CYB561D1: variants seen among roughly 807,000 people sequenced by gnomAD.
CYB561D1 encodes the protein cytochrome b561 family member D1.
In CYB561D1, 15 loss-of-function variants were observed where a neutral mutation model predicts 19.2. The ratio of observed to expected loss-of-function variants is 0.78; its 90% CI spans 0.52 to 1.20. The LOEUF (loss-of-function observed/expected upper bound fraction) is 1.20. Among genes scored for constraint, CYB561D1 ranks in the 50% most tolerant of loss-of-function variants. CYB561D1 has a pLI of 0.00. For synonymous variants in CYB561D1, 133 were observed against 120.6 expected, an observed-to-expected ratio of 1.10 and a Z score of -0.68; for missense variants, 297 against 287.3, an observed-to-expected ratio of 1.03 and a Z score of -0.24.
At chr1:109,494,463 G>C in intron 1 of CYB561D1, 176 bp downstream of exon 1, 6 of 1,548,428 alleles carry the variant, frequency 3.9e-6, no homozygotes, top group Non-Finnish European at 5.2e-6. Flanking sequence ...GAATAATGGG[G>C]TTTTGGGTGC....
intron 2 of CYB561D1, 23 bp downstream of exon 2, chr1:109,495,203 T>C: frequency 6.2e-7 from 1 of 1,613,860 alleles, no homozygotes; most frequent in Non-Finnish European, 8.5e-7. Context: ...TTCTATCTGA[T>C]TTGTTTGGGT....
rs1185240828 is a variant in CYB561D1, at chr1:109,498,568, C to G, written c.*2309C>G. 6.6e-6 allele frequency: 1 copy of G among 152,224 alleles called. No individual in the cohort carries two copies. Among genetic ancestry groups the G allele is most frequent in the Non-Finnish European group, 1.5e-5 (1 of 68,076 alleles). 9.4% of individuals were successfully genotyped at this position (152,224 alleles called of 1,614,324 possible). A position where few individuals can be genotyped will look rare whatever the true frequency, so the allele number is the denominator to read the frequency against. On this transcript the variant is annotated 3_prime_UTR_variant, in exon 3 of 3. Coordinates refer to ENST00000420578, the MANE Select transcript of CYB561D1 (RefSeq NM_182580.3). ...ATTTCTCCCTCCATCACCACCTGCC[C>G]TCACATCCTGGGGCAGCAGCTGGAC...
In CYB561D1 at chr1:109,495,820, G is replaced by A. The variant is rs1301863253; in HGVS notation, c.251G>A (p.Cys84Tyr). Residue 84 changes from cysteine to tyrosine, a missense_variant, in exon 3 of 3, where the codon TGC becomes TAC. Transcript: ENST00000420578. ...FSPEHSLFFFCSRKARIRLHW... is the reference protein window; with the variant it reads ...FSPEHSLFFFYSRKARIRLHW... ...CCTGAACACTCCCTGTTCTTCTTCT[G>A]CTCCCGAAAAGCACGGATCCGGCTC... 6.2e-6 allele frequency: 10 copies of A among 1,613,826 alleles called. No individual in the cohort carries two copies. The highest frequency in any genetic ancestry group is 8.5e-6 in the Non-Finnish European group (10 of 1,180,044).
Position 109,500,281 on chromosome 1 carries a change from T to C in CYB561D1, c.*4022T>C, listed in dbSNP as rs1657824020. On this transcript the variant is annotated 3_prime_UTR_variant, in exon 3 of 3. Transcript: ENST00000420578. The stretch of plus-strand genomic sequence containing the variant: ...AGCTTGGGGGCTGGGAAACCTGCAG[T>C]ATGGGTTTACTCCGTCCCTATCACT... The C allele has an allele frequency of 1.3e-5, 2 of 152,228 alleles. No homozygotes were observed. Among genetic ancestry groups the C allele is most frequent in the Admixed American group, 1.3e-4 (2 of 15,278 alleles). 9.4% of individuals were successfully genotyped at this position (152,228 alleles called of 1,614,324 possible).
rs767320100 is a variant in CYB561D1 at position 109,494,233 on chromosome 1, C to T, written c.94C>T (p.Leu32=). The change falls in exon 1 of 3, where the codon CTG becomes TTG. Residue 32 remains leucine, a synonymous_variant. Coordinates refer to ENST00000420578, the MANE Select transcript of CYB561D1 (RefSeq NM_182580.3). ...GAGAGGCAGTGGGATCTTGGCGCAC[C>T]TGGTAGCTTTGGGCTTCACCATCTT... is the stretch of plus-strand genomic sequence containing the variant. ...LRRGSGILAH[L]VALGFTIFLT... 1 of 1,577,126 alleles carries T rather than the reference C, an allele frequency of 6.3e-7. No homozygotes were observed. Among genetic ancestry groups the T allele is most frequent in the Non-Finnish European group, 8.6e-7 (1 of 1,161,244 alleles).
At chr1:109,494,549 G>A (rs1657388045) in intron 1 of CYB561D1, 1 of 1,474,658 alleles carries the variant, frequency 6.8e-7, no homozygotes, top group Admixed American at 2.1e-5. Flanking sequence ...GGATAGAAGT[G>A]AAGGAGGCCG....
chr1:109,494,186 C>T lies in CYB561D1; in HGVS notation c.47C>T (p.Pro16Leu). The change falls in exon 1 of 3, where the codon CCG (proline) becomes CTG (leucine). Residue 16 changes from proline (P) to leucine (L), a missense_variant. Transcript: ENST00000420578. Reference protein sequence around the residue: ...VGLVPAPAGEPRLTRWLRRGS... With the variant: ...VGLVPAPAGELRLTRWLRRGS... Reference sequence around the variant, plus strand: ...CTGGTTCCCGCTCCAGCTGGGGAGCCGAGACTGACCCGCTGGCTGCGGAGA... The same window carrying T: ...CTGGTTCCCGCTCCAGCTGGGGAGCTGAGACTGACCCGCTGGCTGCGGAGA... The T allele has an allele frequency of 1.9e-6, 3 of 1,554,620 alleles. No individual in the cohort carries two copies. Among genetic ancestry groups the T allele is most frequent in the Non-Finnish European group, 2.6e-6 (3 of 1,148,706 alleles).
rs892208635 is a variant in CYB561D1 at position 109,498,704 on chromosome 1, C to G, written c.*2445C>G. The G allele has an allele frequency of 1.3e-5, 2 of 152,202 alleles. No homozygotes were observed. The highest frequency in any genetic ancestry group is 2.9e-5 in the Non-Finnish European group (2 of 68,104). 9.4% of individuals were successfully genotyped at this position (152,202 alleles called of 1,614,324 possible). On this transcript the variant is annotated 3_prime_UTR_variant, in exon 3 of 3. Transcript: ENST00000420578. ...CCCTCCTCCGCCATCCTCTGTTCCC[C>G]GCACCTCCCTTATTCTGCTCATGTC...
intron 1 of CYB561D1, among the ~76,000 whole-genome samples, chr1:109,494,883 A>G (rs1373018153): frequency 6.6e-6 from 1 of 151,206 alleles, no homozygotes; most frequent in Non-Finnish European, 1.5e-5. Flanking sequence ...AAAACAAAAA[A>G]GGGGCAGAGG....
At chr1:109,494,475 G>A (rs1444667956) in intron 1 of CYB561D1, 188 bp downstream of exon 1, 2 of 1,547,592 alleles carry the variant, frequency 1.3e-6, no homozygotes, top group Non-Finnish European at 1.7e-6. Flanking sequence ...TTTGGGTGCT[G>A]TGGGGGAAGG....
Position 109,495,833 on chromosome 1 carries a change from A to C in CYB561D1, c.264A>C (p.Ala88=). Reference sequence around the variant, plus strand: ...TGTTCTTCTTCTGCTCCCGAAAAGCACGGATCCGGCTCCACTGGGCAGGGC... The same window carrying C: ...TGTTCTTCTTCTGCTCCCGAAAAGCCCGGATCCGGCTCCACTGGGCAGGGC... The part of the protein sequence containing the change: ...HSLFFFCSRK[A]RIRLHWAGQT... The change falls in exon 3 of 3, where the codon GCA becomes GCC. Residue 88 remains alanine (A), a synonymous_variant. Coordinates refer to ENST00000420578, the MANE Select transcript of CYB561D1 (RefSeq NM_182580.3). 1 of 1,613,928 alleles carries C rather than the reference A, an allele frequency of 6.2e-7. No homozygotes were observed.
In CYB561D1 at chr1:109,496,405, G is replaced by A; in HGVS notation, c.*146G>A. On this transcript the variant is annotated 3_prime_UTR_variant, in exon 3 of 3. Coordinates refer to ENST00000420578, the MANE Select transcript of CYB561D1 (RefSeq NM_182580.3). ...GACTGCAGAAACCAAAGCTGCTATT[G>A]TTGAGGAATAATTCAGTGGGTCAAA... 1 of 879,580 alleles carries A rather than the reference G, an allele frequency of 1.1e-6. No individual in the cohort carries two copies. The highest frequency in any genetic ancestry group is 1.7e-6 in the Non-Finnish European group (1 of 599,992). The allele number at this position is 879,580 out of a possible 1,614,324, so 54.5% of individuals were successfully genotyped here. A position where few individuals can be genotyped will look rare whatever the true frequency, so the allele number is the denominator to read the frequency against.
At position 109,496,428 on chromosome 1, in the gene CYB561D1, A is replaced by C; in HGVS notation, c.*169A>C. ...TTGTTGAGGAATAATTCAGTGGGTC[A>C]AAATGGGGAGATGTACTGGGTATGA... is the stretch of plus-strand genomic sequence containing the variant. On this transcript the variant is annotated 3_prime_UTR_variant, in exon 3 of 3. Transcript: ENST00000420578. The C allele has an allele frequency of 1.4e-6, 1 of 690,556 alleles. No individual in the cohort carries two copies. The highest frequency in any genetic ancestry group is 2.3e-6 in the Non-Finnish European group (1 of 440,090). The allele number at this position is 690,556 out of a possible 1,614,324, so 42.8% of individuals were successfully genotyped here.
In CYB561D1 at chr1:109,494,207, G is replaced by A; in HGVS notation, c.68G>A (p.Arg23Gln). 1.9e-6 allele frequency: 3 copies of A among 1,563,312 alleles called. No individual in the cohort carries two copies. Among genetic ancestry groups the A allele is most frequent in the South Asian group, 1.2e-5 (1 of 84,840 alleles). The change falls in exon 1 of 3, where the codon CGG becomes CAG. Residue 23 changes from arginine (R) to glutamine (Q), a missense_variant. Coordinates refer to ENST00000420578, the MANE Select transcript of CYB561D1 (RefSeq NM_182580.3). Reference sequence around the variant, plus strand: ...GAGCCGAGACTGACCCGCTGGCTGCGGAGAGGCAGTGGGATCTTGGCGCAC... The same window carrying A: ...GAGCCGAGACTGACCCGCTGGCTGCAGAGAGGCAGTGGGATCTTGGCGCAC... ...AGEPRLTRWL[R>Q]RGSGILAHLV...
chr1:109,500,395 T>C lies in CYB561D1; in HGVS notation c.*4136T>C, dbSNP rs1195344861. On this transcript the variant is annotated 3_prime_UTR_variant, in exon 3 of 3. Coordinates refer to ENST00000420578, the MANE Select transcript of CYB561D1 (RefSeq NM_182580.3). The stretch of plus-strand genomic sequence containing the variant: ...ATGAGAGAATGAATGTTAATAGGAA[T>C]TGGAAAATTCAAAGCATTAAACACA... 1.3e-5 allele frequency: 2 copies of C among 152,210 alleles called. No individual in the cohort carries two copies. Among genetic ancestry groups the C allele is most frequent in the Non-Finnish European group, 2.9e-5 (2 of 68,042 alleles). 9.4% of individuals were successfully genotyped at this position (152,210 alleles called of 1,614,324 possible).
chr1:109,496,152 A>G lies in CYB561D1; in HGVS notation c.583A>G (p.Lys195Glu). The G allele has an allele frequency of 6.2e-7, 1 of 1,613,990 alleles. No individual in the cohort carries two copies. The highest frequency in any genetic ancestry group is 8.5e-7 in the Non-Finnish European group (1 of 1,179,836). Reference sequence around the variant, plus strand: ...CTCAGTATGGTTCCAGGCCCAGATCAAAGGTGCGGCCTGGTACCTGTGCCT... The same window carrying G: ...CTCAGTATGGTTCCAGGCCCAGATCGAAGGTGCGGCCTGGTACCTGTGCCT... ...MYSVWFQAQI[K>E]GAAWYLCLAL... The change falls in exon 3 of 3, where the codon AAA becomes GAA. Residue 195 changes from lysine to glutamate, a missense_variant. Physicochemically the swap from Lys to Glu is moderately conservative, Grantham distance 56. Transcript: ENST00000420578.
In CYB561D1 at chr1:109,499,930, G is replaced by T; in HGVS notation, c.*3671G>T. 6.6e-6 allele frequency: 1 copy of T among 152,426 alleles called. No homozygotes were observed. Among genetic ancestry groups the T allele is most frequent in the Non-Finnish European group, 1.5e-5 (1 of 68,084 alleles). 9.4% of individuals were successfully genotyped at this position (152,426 alleles called of 1,614,324 possible). A position where few individuals can be genotyped will look rare whatever the true frequency, so the allele number is the denominator to read the frequency against. On this transcript the variant is annotated 3_prime_UTR_variant, in exon 3 of 3. Transcript: ENST00000420578. ...ACGCCTTGCAGTGACTTCTCGTCTG[G>T]GAGTGGGCACTGAGTCCTCTCAGTA...
rs762706401 is a variant in CYB561D1, at chr1:109,498,111, TGA to T, written c.*1856_*1857del. 1 of 152,242 alleles carries T rather than the reference TGA, an allele frequency of 6.6e-6. No homozygotes were observed. The highest frequency in any genetic ancestry group is 1.5e-5 in the Non-Finnish European group (1 of 68,064). 9.4% of individuals were successfully genotyped at this position (152,242 alleles called of 1,614,324 possible). A position where few individuals can be genotyped will look rare whatever the true frequency, so the allele number is the denominator to read the frequency against. On this transcript the variant is annotated 3_prime_UTR_variant, in exon 3 of 3. Coordinates refer to ENST00000420578, the MANE Select transcript of CYB561D1 (RefSeq NM_182580.3). Reference sequence around the variant, plus strand: ...CCTCTTTCCTCATCACAGCCAGTGCTGAGAGGCTCCTTCTACCTGCCGCAGGG... The same window carrying T: ...CCTCTTTCCTCATCACAGCCAGTGCTGAGGCTCCTTCTACCTGCCGCAGGG...
chr1:109,494,176 G>C lies in CYB561D1; in HGVS notation c.37G>C (p.Ala13Pro). The part of the protein sequence containing the change: ...PLEVGLVPAP[A>P]GEPRLTRWLR... ...GGAGGTAGGTCTGGTTCCCGCTCCA[G>C]CTGGGGAGCCGAGACTGACCCGCTG... Residue 13 changes from alanine (A) to proline (P), a missense_variant, in exon 1 of 3, where the codon GCT becomes CCT. Ala to Pro is a conservative substitution (Grantham distance 27, BLOSUM62 -1). Transcript: ENST00000420578. The C allele has an allele frequency of 1.3e-6, 2 of 1,550,636 alleles. No individual in the cohort carries two copies. Among genetic ancestry groups the C allele is most frequent in the Non-Finnish European group, 1.7e-6 (2 of 1,146,446 alleles).
Sources: gnomAD v4.1 joint callset for allele counts (sites outside exome capture counted in the v4.1 genomes callset) on GRCh38, gnomAD v4.1.1 for gene constraint, MANE v1.5 for transcripts, NCBI Gene and HGNC (gene_info 2026-07-23, HGNC 2026-07-21) for gene names.